SDK1: variants seen among roughly 807,000 people sequenced by gnomAD.
SDK1 encodes protein sidekick-1.
Under a neutral mutation model 245.5 loss-of-function variants are expected in SDK1, and 157 were observed. The ratio of observed to expected loss-of-function variants is 0.64; its 90% confidence interval spans 0.56 to 0.73. The LOEUF (loss-of-function observed/expected upper bound fraction) is 0.73. SDK1 is among the 30% of genes least tolerant of loss of function. The pLI, the probability that SDK1 is intolerant of heterozygous loss-of-function variation, is 0.00. For synonymous variants in SDK1, 1,647 were observed against 1,278.5 expected (o/e 1.29, Z -6.15); for missense variants, 3,583 against 3,002.3 (o/e 1.19, Z -4.52).
intron 5 of SDK1, among the ~76,000 whole-genome samples, chr7:3,917,849 A>C (rs1233088036): frequency 2.0e-5 from 3 of 152,040 alleles, no homozygotes; most frequent in Non-Finnish European, 4.4e-5. Context: ...TGCACACACA[A>C]TTCTGCACAC....
intron 1 of SDK1, among the ~76,000 whole-genome samples, chr7:3,364,352 C>G (rs1053370015): frequency 1.3e-5 from 2 of 152,152 alleles, no homozygotes; most frequent in African/African-American, 2.4e-5. Flanking sequence ...ACTAAGAATT[C>G]TGCCTAGACT....
chr7:3,906,706 C>T (rs1449519071), intron 5 of SDK1, among the ~76,000 whole-genome samples: 1 of 135,172 alleles, frequency 7.4e-6, no homozygotes, highest in Non-Finnish European at 1.5e-5. Flanking sequence ...CGGCTCACTG[C>T]AACCTCTGCC....
intron 1 of SDK1, among the ~76,000 whole-genome samples, chr7:3,464,335 G>A (rs1286072365): frequency 6.6e-6 from 1 of 152,128 alleles, no homozygotes; most frequent in Non-Finnish European, 1.5e-5. Flanking sequence ...GCCAGCCTGA[G>A]TAACATAGCA....
At chr7:3,680,793 A>G (rs1247899220) in intron 4 of SDK1, among the ~76,000 whole-genome samples, 3 of 152,168 alleles carry the variant, frequency 2.0e-5, no homozygotes, top group African/African-American at 7.2e-5. Flanking sequence ...GGCAACAGCT[A>G]TCCTGACTTA....
chr7:3,630,358 A>T (rs1189429762), intron 2 of SDK1, among the ~76,000 whole-genome samples: 3 of 152,262 alleles, frequency 2.0e-5, no homozygotes, highest in African/African-American at 4.8e-5. Flanking sequence ...TAGAAAATAT[A>T]TACTTTTAAA....
At chr7:4,055,057 C>CT (rs1041868656) in intron 19 of SDK1, among the ~76,000 whole-genome samples, 6 of 152,018 alleles carry the variant, frequency 3.9e-5, no homozygotes, top group Admixed American at 6.6e-5. Context: ...CTGTAGTTGT[C>CT]TTTTTTTGTG....
intron 4 of SDK1, among the ~76,000 whole-genome samples, chr7:3,742,441 G>C (rs897244829): frequency 1.1e-4 from 16 of 152,108 alleles, no homozygotes; most frequent in African/African-American, 3.6e-4. Context: ...CTCATTACTG[G>C]AGATGAGAGG....
intron 1 of SDK1, among the ~76,000 whole-genome samples, chr7:3,549,962 T>C (rs1779347247): frequency 6.6e-6 from 1 of 152,180 alleles, no homozygotes; most frequent in South Asian, 2.1e-4. Context: ...ATTTAGGGTC[T>C]CCTTTAACCT....
chr7:4,200,500 A>G (rs913096862), intron 35 of SDK1, among the ~76,000 whole-genome samples: 1 of 152,230 alleles, frequency 6.6e-6, no homozygotes, highest in African/African-American at 2.4e-5. Context: ...GACAGTGTCA[A>G]CCAGGCCTGT....
At chr7:4,252,742 G>T (rs1045548043) in intron 44 of SDK1, among the ~76,000 whole-genome samples, 4 of 151,752 alleles carry the variant, frequency 2.6e-5, no homozygotes, top group Admixed American at 6.6e-5. Flanking sequence ...CATCAGTGAA[G>T]TCCTCTGGTC....
chr7:4,114,486 T>A (rs1783568832), intron 25 of SDK1, among the ~76,000 whole-genome samples: 2 of 152,194 alleles, frequency 1.3e-5, no homozygotes, highest in Admixed American at 6.5e-5. Context: ...AAACTGGTGA[T>A]GATTTCCAAC....
chr7:3,703,167 C>G (rs1025101087), intron 4 of SDK1, among the ~76,000 whole-genome samples: 3 of 151,558 alleles, frequency 2.0e-5, no homozygotes, highest in Non-Finnish European at 4.4e-5. Flanking sequence ...TGCTTCTGGA[C>G]ATTCTAGAAG....
At chr7:4,113,970 C>T in intron 24 of SDK1, 67 bp from the exon 25 acceptor site, 4 of 1,362,794 alleles carry the variant, frequency 2.9e-6, no homozygotes, top group Non-Finnish European at 4.2e-6. Flanking sequence ...GCAGGCCCAT[C>T]CCTTACAACC....
At chr7:4,040,483 C>G (rs1052062308) in intron 17 of SDK1, among the ~76,000 whole-genome samples, 1 of 152,074 alleles carries the variant, frequency 6.6e-6, no homozygotes, top group Non-Finnish European at 1.5e-5. Flanking sequence ...ATCAAGGACC[C>G]GGACACACAA....
chr7:4,074,649 C>T (rs1457122184), intron 20 of SDK1, among the ~76,000 whole-genome samples: 1 of 151,642 alleles, frequency 6.6e-6, no homozygotes, highest in East Asian at 2.0e-4. Flanking sequence ...TCGCTTGATA[C>T]CAGGAGTTTG....
chr7:4,060,246 G>A (rs1035387170), intron 19 of SDK1, among the ~76,000 whole-genome samples: 1 of 152,094 alleles, frequency 6.6e-6, no homozygotes, highest in African/African-American at 2.4e-5. Context: ...TACAGCAAAA[G>A]CGATGCTAAG....
At chr7:3,762,257 C>T (rs1288630062) in intron 4 of SDK1, among the ~76,000 whole-genome samples, 1 of 152,134 alleles carries the variant, frequency 6.6e-6, no homozygotes, top group Non-Finnish European at 1.5e-5. Context: ...ATGGGACGTA[C>T]TGGGTGTTCT....
At chr7:4,003,316 G>C (rs958762489) in intron 14 of SDK1, among the ~76,000 whole-genome samples, 2 of 152,168 alleles carry the variant, frequency 1.3e-5, no homozygotes, top group African/African-American at 4.8e-5. Flanking sequence ...TGGTGTTTTA[G>C]AGCAGTTTGG....
intron 13 of SDK1, among the ~76,000 whole-genome samples, chr7:3,981,373 A>G (rs563479560): frequency 1.4e-4 from 21 of 152,244 alleles, no homozygotes; most frequent in African/African-American, 5.1e-4. Flanking sequence ...TGAGCCCCAC[A>G]GTGTGAAATT....
Sources: allele counts gnomAD v4.1 joint callset (sites outside exome capture counted in the v4.1 genomes callset), GRCh38; gene constraint gnomAD v4.1.1; transcripts MANE v1.5; gene names NCBI Gene and HGNC (gene_info 2026-07-23, HGNC 2026-07-21).